Variants in MECOM observed in about 807,000 individuals in gnomAD.
The protein encoded by MECOM is MDS1 and EVI1 complex locus, also known as histone-lysine N-methyltransferase MECOM.
A neutral mutation model predicts 116.3 loss-of-function variants in MECOM; 13 were observed. The observed-to-expected ratio is 0.11, with a 90% CI of 0.07 to 0.18. MECOM has a LOEUF of 0.18. Among genes scored for constraint, MECOM ranks in the 10% least tolerant of loss-of-function variants. The pLI, the probability that MECOM is intolerant of heterozygous loss-of-function variation, is 1.00. For missense variants in MECOM, 1,299 were observed against 1,509.0 expected, an observed-to-expected ratio of 0.86 and a Z score of 2.31; for synonymous variants, 528 against 535.2, an observed-to-expected ratio of 0.99 and a Z score of 0.19.
chr3:169,135,478 A>G (rs893164020), intron 3 of MECOM, among the ~76,000 whole-genome samples: 12 of 152,036 alleles, frequency 7.9e-5, no homozygotes, highest in African/African-American at 2.9e-4. Flanking sequence ...AAGGTGAAAG[A>G]CAAGAAGAAT....
chr3:169,495,559 T>C (rs1753711832), intron 1 of MECOM, among the ~76,000 whole-genome samples: 1 of 152,198 alleles, frequency 6.6e-6, no homozygotes, highest in African/African-American at 2.4e-5. Flanking sequence ...TGAAACAACT[T>C]TTAATTACAA....
intron 1 of MECOM, among the ~76,000 whole-genome samples, chr3:169,455,955 T>C (rs1746411912): frequency 6.6e-6 from 1 of 152,244 alleles, no homozygotes; most frequent in Non-Finnish European, 1.5e-5. Context: ...GGCTGCGAAC[T>C]AGGCAGTCTT....
intron 2 of MECOM, among the ~76,000 whole-genome samples, chr3:169,366,184 C>T (rs1352552598): frequency 6.6e-6 from 1 of 151,870 alleles, no homozygotes; most frequent in Non-Finnish European, 1.5e-5. Context: ...CTGGTTGGGT[C>T]CCAGGGTTGG....
At chr3:169,248,316 G>A (rs918231169) in intron 2 of MECOM, among the ~76,000 whole-genome samples, 2 of 152,086 alleles carry the variant, frequency 1.3e-5, no homozygotes, top group Non-Finnish European at 1.5e-5. Flanking sequence ...ATTTGTTTTC[G>A]CTACTTCCTT....
chr3:169,119,391 A>G (rs1317642260), intron 7 of MECOM, among the ~76,000 whole-genome samples: 2 of 152,214 alleles, frequency 1.3e-5, no homozygotes, highest in Non-Finnish European at 2.9e-5. Context: ...TGCTATTTAA[A>G]TTTACCAATA....
chr3:169,519,909 A>T (rs1054464060), intron 1 of MECOM, among the ~76,000 whole-genome samples: 4 of 152,242 alleles, frequency 2.6e-5, no homozygotes, highest in Non-Finnish European at 5.9e-5. Context: ...CTCACCCCAG[A>T]CTACAACAAA....
At chr3:169,337,900 A>G (rs1444642296) in intron 2 of MECOM, among the ~76,000 whole-genome samples, 2 of 152,208 alleles carry the variant, frequency 1.3e-5, no homozygotes, top group Non-Finnish European at 2.9e-5. Context: ...AGATGATATC[A>G]GCAACCAACC....
chr3:169,289,398 G>A (rs1714045128), intron 2 of MECOM, among the ~76,000 whole-genome samples: 1 of 152,164 alleles, frequency 6.6e-6, no homozygotes, highest in Admixed American at 6.6e-5. Flanking sequence ...CCAATGTTGG[G>A]ATGGTTACTT....
chr3:169,274,605 A>G (rs1759363789), intron 2 of MECOM, among the ~76,000 whole-genome samples: 1 of 152,242 alleles, frequency 6.6e-6, no homozygotes, highest in South Asian at 2.1e-4. Flanking sequence ...AAAGTCTACA[A>G]TATAAATGTT....
chr3:169,428,500 C>T (rs1325561412), intron 1 of MECOM, among the ~76,000 whole-genome samples: 5 of 152,332 alleles, frequency 3.3e-5, no homozygotes, highest in South Asian at 2.1e-4. Flanking sequence ...TTCTGCTATG[C>T]GGCCCAGTTC....
chr3:169,347,067 G>T (rs2149799533), intron 2 of MECOM, among the ~76,000 whole-genome samples: 1 of 152,100 alleles, frequency 6.6e-6, no homozygotes, highest in South Asian at 2.1e-4. Flanking sequence ...ATGTGGATAT[G>T]GAATGATCAG....
intron 1 of MECOM, among the ~76,000 whole-genome samples, chr3:169,603,365 G>C (rs1475332995): frequency 6.6e-6 from 1 of 152,112 alleles, no homozygotes; most frequent in African/African-American, 2.4e-5. Flanking sequence ...TAGCACAGGA[G>C]TCAAAGTTTA....
At chr3:169,565,737 G>T (rs1165448598) in intron 1 of MECOM, among the ~76,000 whole-genome samples, 2 of 152,132 alleles carry the variant, frequency 1.3e-5, no homozygotes, top group Non-Finnish European at 2.9e-5. Flanking sequence ...TCATAGATGG[G>T]TTTTAGTGAG....
At chr3:169,429,267 A>G (rs576332427) in intron 1 of MECOM, among the ~76,000 whole-genome samples, 4 of 152,254 alleles carry the variant, frequency 2.6e-5, no homozygotes, top group African/African-American at 9.6e-5. Context: ...TTCCTATTAA[A>G]CCACTGTGTA....
At chr3:169,226,834 C>T (rs1240376367) in intron 2 of MECOM, among the ~76,000 whole-genome samples, 2 of 152,170 alleles carry the variant, frequency 1.3e-5, no homozygotes, top group Non-Finnish European at 2.9e-5. Context: ...AAAAGCAGTT[C>T]TATTTCTCCC....
chr3:169,654,422 T>G (rs1293670574), intron 1 of MECOM, among the ~76,000 whole-genome samples: 1 of 152,148 alleles, frequency 6.6e-6, no homozygotes, highest in Non-Finnish European at 1.5e-5. Flanking sequence ...TAGGTTCAGG[T>G]CTTAAAAATC....
At chr3:169,595,340 C>T (rs1056861608) in intron 1 of MECOM, among the ~76,000 whole-genome samples, 1 of 152,122 alleles carries the variant, frequency 6.6e-6, no homozygotes, top group African/African-American at 2.4e-5. Context: ...GAATATATTA[C>T]CTCTATGCTT....
At chr3:169,295,661 C>T (rs1715448693) in intron 2 of MECOM, among the ~76,000 whole-genome samples, 1 of 152,078 alleles carries the variant, frequency 6.6e-6, no homozygotes, top group South Asian at 2.1e-4. Flanking sequence ...TGTTACCTAC[C>T]TATCCTCAAA....
At chr3:169,286,210 C>T (rs1047091012) in intron 2 of MECOM, among the ~76,000 whole-genome samples, 1 of 152,060 alleles carries the variant, frequency 6.6e-6, no homozygotes, top group African/African-American at 2.4e-5. Context: ...ACAGAATGAA[C>T]GTATTTCTTG....
Sources: allele counts gnomAD v4.1 joint callset (sites outside exome capture counted in the v4.1 genomes callset), GRCh38; gene constraint gnomAD v4.1.1; transcripts MANE v1.5; gene names NCBI Gene and HGNC (gene_info 2026-07-23, HGNC 2026-07-21).